MAML2: variants seen among roughly 807,000 people sequenced by gnomAD.
The protein encoded by MAML2 is mastermind like transcriptional coactivator 2.
In MAML2, 22 loss-of-function variants were observed where a neutral mutation model predicts 96.1. That is an observed-to-expected ratio of 0.23 (90% CI 0.16 to 0.33). The LOEUF (loss-of-function observed/expected upper bound fraction) is 0.33, where lower values mean the gene tolerates loss of function less well. Ranked by LOEUF, MAML2 falls within the 10% of genes least tolerant of loss-of-function variation. The pLI, the probability that MAML2 is intolerant of heterozygous loss-of-function variation, is 1.00. For synonymous variants in MAML2, 561 were observed against 521.3 expected, an observed-to-expected ratio of 1.08 and a Z score of -1.04; for missense variants, 1,367 against 1,392.4, an observed-to-expected ratio of 0.98 and a Z score of 0.29.
chr11:96,206,604 A>G (rs1021504292), intron 1 of MAML2, among the ~76,000 whole-genome samples: 1 of 152,214 alleles, frequency 6.6e-6, no homozygotes, highest in Non-Finnish European at 1.5e-5. Flanking sequence ...TCTCAAAAAA[A>G]TAGAAATTGC....
rs1253799420 is a variant in MAML2, at chr11:95,977,672, T to C, written c.*1276A>G. The C allele has an allele frequency of 4.6e-6, 1 of 217,474 alleles. No individual in the cohort carries two copies. The highest frequency in any genetic ancestry group is 9.2e-6 in the Non-Finnish European group (1 of 108,954). 13.5% of individuals were successfully genotyped at this position (217,474 alleles called of 1,614,324 possible). A position where few individuals can be genotyped will look rare whatever the true frequency, so the allele number is the denominator to read the frequency against. On this transcript the variant is annotated 3_prime_UTR_variant, in exon 5 of 5. Coordinates refer to ENST00000524717, the MANE Select transcript of MAML2 (RefSeq NM_032427.4). ...TAAGGTTAAATGACTCAACAAAAAC[T>C]CTTTAATACAGTGCTCAGCCCTGAG...
chr11:96,338,445 G>C (rs1159534475), intron 1 of MAML2, among the ~76,000 whole-genome samples: 3 of 152,222 alleles, frequency 2.0e-5, no homozygotes, highest in African/African-American at 7.2e-5. Context: ...CTGGCTTGGA[G>C]GTTATTCTTG....
intron 1 of MAML2, among the ~76,000 whole-genome samples, chr11:96,274,222 A>T (rs1591108095): frequency 6.6e-6 from 1 of 151,598 alleles, no homozygotes; most frequent in African/African-American, 2.4e-5. Flanking sequence ...AGCTGGGACC[A>T]CAGGAGCCCG....
chr11:95,982,152 T>C (rs16922792), intron 4 of MAML2, among the ~76,000 whole-genome samples: 24,177 of 152,108 alleles, frequency 0.16, 2,143 homozygotes, highest in East Asian at 0.33. Context: ...TCAGAAGACA[T>C]GGGAAACGCA....
At chr11:96,275,995 G>A (rs1862983645) in intron 1 of MAML2, among the ~76,000 whole-genome samples, 1 of 152,174 alleles carries the variant, frequency 6.6e-6, no homozygotes, top group Non-Finnish European at 1.5e-5. Context: ...AGCATGGTGA[G>A]TAGGCTAAGT....
intron 1 of MAML2, among the ~76,000 whole-genome samples, chr11:96,177,932 G>GTA (rs1861413305): frequency 6.7e-6 from 1 of 148,712 alleles, no homozygotes; most frequent in African/African-American, 2.5e-5. Flanking sequence ...GTGTGTGTGT[G>GTA]TGTGTGTGTG....
intron 2 of MAML2, among the ~76,000 whole-genome samples, chr11:96,050,125 T>A (rs747948303): frequency 6.6e-6 from 1 of 152,206 alleles, no homozygotes; most frequent in Non-Finnish European, 1.5e-5. Flanking sequence ...ACTCAAAAGA[T>A]CCTTACCGGT....
chr11:96,051,944 G>C (rs1012767446), intron 2 of MAML2, among the ~76,000 whole-genome samples: 1 of 152,172 alleles, frequency 6.6e-6, no homozygotes, highest in East Asian at 1.9e-4. Flanking sequence ...TTGTGGCATT[G>C]TATGTCTTCA....
At chr11:96,293,186 G>A (rs941099906) in intron 1 of MAML2, among the ~76,000 whole-genome samples, 2 of 152,186 alleles carry the variant, frequency 1.3e-5, no homozygotes, top group Non-Finnish European at 2.9e-5. Flanking sequence ...CCCCTGTAAT[G>A]TGCCAACTAT....
intron 1 of MAML2, among the ~76,000 whole-genome samples, chr11:96,126,275 AGGCCC>A (rs1439796734): frequency 6.6e-6 from 1 of 152,156 alleles, no homozygotes; most frequent in Non-Finnish European, 1.5e-5. Context: ...AATAGCAGAG[AGGCCC>A]GGTTTGGTGG....
At chr11:96,031,175 A>C (rs951752785) in intron 2 of MAML2, among the ~76,000 whole-genome samples, 5 of 152,248 alleles carry the variant, frequency 3.3e-5, no homozygotes, top group Admixed American at 3.3e-4. Flanking sequence ...GGCATGAATA[A>C]GTGCTCAACA....
At position 95,985,656 on chromosome 11, in the gene MAML2, A is replaced by G. The variant is rs1473402620; in HGVS notation, c.2344-14T>C. ...AGCAATTTTCTCCTTGAGAAATGAT[A>G]TGAAAGCATATTATGTTGCATCATT... On this transcript the variant is annotated splice_polypyrimidine_tract_variant and intron_variant, in intron 3 of 4. Transcript: ENST00000524717. 8 of 1,501,034 alleles carry G rather than the reference A, an allele frequency of 5.3e-6. No individual in the cohort carries two copies. The highest frequency in any genetic ancestry group is 6.5e-6 in the Non-Finnish European group (7 of 1,081,128). 93.0% of individuals were successfully genotyped at this position (1,501,034 alleles called of 1,614,324 possible). A position where few individuals can be genotyped will look rare whatever the true frequency, so the allele number is the denominator to read the frequency against.
At chr11:96,063,244 C>A (rs145287933) in intron 2 of MAML2, among the ~76,000 whole-genome samples, 3 of 152,154 alleles carry the variant, frequency 2.0e-5, no homozygotes, top group African/African-American at 7.2e-5. Flanking sequence ...GGGCCCCTTC[C>A]TTAACCTCAG....
chr11:96,157,564 T>A (rs1418503457), intron 1 of MAML2, among the ~76,000 whole-genome samples: 1 of 152,250 alleles, frequency 6.6e-6, no homozygotes, highest in Non-Finnish European at 1.5e-5. Context: ...GCTCATGGAG[T>A]ATGCATGAAA....
At chr11:96,120,220 GTGCTGGGT>G (rs1860313803) in intron 1 of MAML2, among the ~76,000 whole-genome samples, 1 of 152,178 alleles carries the variant, frequency 6.6e-6, no homozygotes, top group African/African-American at 2.4e-5. Flanking sequence ...GCCTCCCAAA[GTGCTGGGT>G]TTACAGGCGT....
At chr11:96,279,762 A>G (rs555557896) in intron 1 of MAML2, among the ~76,000 whole-genome samples, 1 of 152,296 alleles carries the variant, frequency 6.6e-6, no homozygotes, top group East Asian at 1.9e-4. Context: ...GTGGAGCTTT[A>G]AAGCCACCCT....
intron 2 of MAML2, among the ~76,000 whole-genome samples, chr11:96,084,798 G>T (rs1859582474): frequency 6.6e-6 from 1 of 152,164 alleles, no homozygotes; most frequent in South Asian, 2.1e-4. Context: ...ACACAGACCT[G>T]TGGACTACCA....
At chr11:96,083,936 G>T (rs1013396731) in intron 2 of MAML2, among the ~76,000 whole-genome samples, 1 of 152,184 alleles carries the variant, frequency 6.6e-6, no homozygotes, top group African/African-American at 2.4e-5. Flanking sequence ...AGGAGACCAG[G>T]GAAACCTTCT....
chr11:95,979,238 T>C lies in MAML2; in HGVS notation c.3181A>G (p.Asn1061Asp). 6.2e-7 allele frequency: 1 copy of C among 1,613,998 alleles called. No individual in the cohort carries two copies. The highest frequency in any genetic ancestry group is 8.5e-7 in the Non-Finnish European group (1 of 1,179,886). ...AACCCTGTTCCTGACTGATTCAAAT[T>C]AGGCAAAATCTGTGTGCTTAGCTGA... ...PNQLSTQILP[N>D]LNQSGTGLNQ... The change falls in exon 5 of 5, where the codon AAT becomes GAT. Residue 1061 changes from asparagine (N) to aspartate (D), a missense_variant. Physicochemically the swap from Asn to Asp is conservative, Grantham distance 23 (BLOSUM62 1). Transcript: ENST00000524717.
Sources: gnomAD v4.1 joint callset for allele counts (sites outside exome capture counted in the v4.1 genomes callset) on GRCh38, gnomAD v4.1.1 for gene constraint, MANE v1.5 for transcripts, NCBI Gene and HGNC (gene_info 2026-07-23, HGNC 2026-07-21) for gene names.